SPINK9: variants seen among roughly 807,000 people sequenced by gnomAD.
SPINK9 encodes serine peptidase inhibitor Kazal type 9, also known as serine protease inhibitor Kazal-type 9.
A neutral mutation model predicts 10.8 loss-of-function variants in SPINK9; 3 were observed. The ratio of observed to expected loss-of-function variants is 0.28; its 90% CI spans 0.13 to 0.72. The LOEUF is 0.72. Ranked by LOEUF, SPINK9 falls within the 30% of genes least tolerant of loss-of-function variation. SPINK9 has a pLI of 0.74. For missense variants in SPINK9, 101 were observed against 103.2 expected (o/e 0.98, Z 0.09); for synonymous variants, 30 against 31.2 (o/e 0.96, Z 0.12).
At chr5:148,327,856 T>C (rs1348536739) in intron 2 of SPINK9, among the ~76,000 whole-genome samples, 2 of 152,188 alleles carry the variant, frequency 1.3e-5, no homozygotes, top group Non-Finnish European at 2.9e-5. Flanking sequence ...TTCTGTCCCA[T>C]TGGTCTATAT....
At chr5:148,322,605 C>G (rs996536601) in intron 1 of SPINK9, among the ~76,000 whole-genome samples, 14 of 152,148 alleles carry the variant, frequency 9.2e-5, no homozygotes, top group Non-Finnish European at 2.1e-4. Context: ...CTTATGATAC[C>G]TGGAAATCAA....
At chr5:148,322,328 C>T (rs1581182581) in intron 1 of SPINK9, among the ~76,000 whole-genome samples, 1 of 152,242 alleles carries the variant, frequency 6.6e-6, no homozygotes, top group Non-Finnish European at 1.5e-5. Flanking sequence ...TCAATCCCTG[C>T]CAACTGTACA....
upstream of SPINK9, among the ~76,000 whole-genome samples, chr5:148,330,975 G>A (rs1415592354): frequency 2.6e-5 from 4 of 152,192 alleles, no homozygotes; most frequent in African/African-American, 7.2e-5. Context: ...GATTTTCCAG[G>A]TGCCATCTGT....
In SPINK9 at chr5:148,338,982, G is replaced by C. The variant is rs910162128; in HGVS notation, c.215+377G>C. 3.9e-5 allele frequency among the ~76,000 whole-genome samples: 6 copies of C among 152,202 alleles called. No individual in the cohort carries two copies. The East Asian group carries it at 1.2e-3, about 29-fold the overall frequency. On this transcript the variant is annotated intron_variant, in intron 3 of 3. Coordinates refer to ENST00000377906, the MANE Select transcript of SPINK9 (RefSeq NM_001040433.2). ...CTCCTAAGCATCCCATCCACATCTG[G>C]TAGAATGAGCCATGTTTTTGTTCAG...
chr5:148,334,162 A>G (rs1742669463), upstream of SPINK9, among the ~76,000 whole-genome samples: 4 of 152,080 alleles, frequency 2.6e-5, no homozygotes, highest in South Asian at 4.2e-4. Context: ...ACCTAATAGG[A>G]TTCTTACTAA....
At chr5:148,329,148 T>G (rs995338833) in intron 2 of SPINK9, among the ~76,000 whole-genome samples, 1 of 152,060 alleles carries the variant, frequency 6.6e-6, no homozygotes, top group Non-Finnish European at 1.5e-5. Flanking sequence ...CTTTTTTTTG[T>G]TTGGTAAGCT....
rs374477454 is a variant in SPINK9, at chr5:148,337,461, CTTTAAG to C, written c.87+1012_88-1008del. 2.6e-5 allele frequency among the ~76,000 whole-genome samples: 4 copies of C among 152,094 alleles called. No individual in the cohort carries two copies. The South Asian group carries it at 6.2e-4, about 24-fold the overall frequency. On this transcript the variant is annotated intron_variant, in intron 2 of 3. Transcript: ENST00000377906. ...CATCTGGAGGGAAGGAAGAATTCAA[CTTTAAG>C]TTTGAGTATATTCCAAGCTATTCAA...
chr5:148,335,532 A>G, upstream of SPINK9: 5 of 1,262,150 alleles, frequency 4.0e-6, no homozygotes, highest in South Asian at 3.7e-5. Flanking sequence ...TTGAAAATAT[A>G]TAAGGCAGGA....
chr5:148,335,635 C>G lies in SPINK9; in HGVS notation c.22C>G (p.Leu8Val). 2 of 1,613,688 alleles carry G rather than the reference C, an allele frequency of 1.2e-6. No homozygotes were observed. Among genetic ancestry groups the G allele is most frequent in the Non-Finnish European group, 1.7e-6 (2 of 1,179,844 alleles). The change falls in exon 1 of 4, where the codon CTA becomes GTA. Residue 8 changes from leucine (L) to valine (V), a missense_variant. Coordinates refer to ENST00000377906, the MANE Select transcript of SPINK9 (RefSeq NM_001040433.2). MRATAIV[L>V]LLALTLATMF... ...TACTATGAGAGCAACAGCCATAGTCCTACTCTTGGCTCTGACACTTGCAAC... is the reference window on the plus strand; with the variant it reads ...TACTATGAGAGCAACAGCCATAGTCGTACTCTTGGCTCTGACACTTGCAAC...
upstream of SPINK9, among the ~76,000 whole-genome samples, chr5:148,332,360 AAC>A (rs1190621782): frequency 1.3e-5 from 2 of 152,198 alleles, no homozygotes; most frequent in Non-Finnish European, 2.9e-5. Context: ...CCCCATTCCC[AAC>A]ACACACATAT....
intron 2 of SPINK9, among the ~76,000 whole-genome samples, chr5:148,326,758 G>A (rs1289115571): frequency 6.6e-6 from 1 of 151,880 alleles, no homozygotes; most frequent in Non-Finnish European, 1.5e-5. Context: ...GTGAGAACAT[G>A]CGGTGTTTGG....
At chr5:148,325,004 G>C (rs1757041138) in intron 2 of SPINK9, among the ~76,000 whole-genome samples, 1 of 151,936 alleles carries the variant, frequency 6.6e-6, no homozygotes, top group South Asian at 2.1e-4. Context: ...TGCTATTCTT[G>C]ACATTATATA....
At chr5:148,336,538 T>C in intron 2 of SPINK9, 85 bp downstream of exon 2, 1 of 1,371,966 alleles carries the variant, frequency 7.3e-7, no homozygotes, top group Middle Eastern at 1.9e-4. Context: ...ATTAAATTTC[T>C]ATATGTTTGA....
exon 2 of SPINK9, chr5:148,323,852 A>G (rs1358530501): frequency 1.4e-6 from 1 of 700,848 alleles, no homozygotes; most frequent in Non-Finnish European, 2.6e-6. Context: ...GCTTAACGCA[A>G]CCTGAACATT....
chr5:148,326,580 T>C (rs190244054), intron 2 of SPINK9, among the ~76,000 whole-genome samples: 12 of 152,282 alleles, frequency 7.9e-5, no homozygotes, highest in African/African-American at 2.6e-4. Flanking sequence ...TTGTTACCTA[T>C]GTATACATGT....
Position 148,338,522 on chromosome 5 carries a change from A to T in SPINK9, c.132A>T (p.Arg44Ser). The T allele has an allele frequency of 6.2e-7, 1 of 1,610,224 alleles. No homozygotes were observed. Among genetic ancestry groups the T allele is most frequent in the Non-Finnish European group, 8.5e-7 (1 of 1,178,262 alleles). The change falls in exon 3 of 4, where the codon AGA becomes AGT. Residue 44 changes from arginine to serine, a missense_variant. Transcript: ENST00000377906. ...HYKKLPPGQQRFCHHMYDPIC... is the reference protein window; with the variant it reads ...HYKKLPPGQQSFCHHMYDPIC... The stretch of plus-strand genomic sequence containing the variant: ...AAAAGTTACCACCAGGACAACAGAG[A>T]TTTTGTCATCATATGTATGATCCAA...
At chr5:148,335,333 T>C (rs1371944389), upstream of SPINK9, among the ~76,000 whole-genome samples, 1 of 152,196 alleles carries the variant, frequency 6.6e-6, no homozygotes, top group African/African-American at 2.4e-5. Context: ...TACGTAATTG[T>C]AGTTCAAAGC....
intron 2 of SPINK9, among the ~76,000 whole-genome samples, chr5:148,324,391 G>A (rs776619153): frequency 4.6e-5 from 7 of 152,026 alleles, no homozygotes; most frequent in African/African-American, 1.4e-4. Context: ...TATGAAAGAA[G>A]AGTAACTTTA....
intron 2 of SPINK9, among the ~76,000 whole-genome samples, chr5:148,325,060 A>T (rs1054643284): frequency 1.3e-5 from 2 of 152,062 alleles, no homozygotes; most frequent in Admixed American, 1.3e-4. Context: ...GGCTTCTTTT[A>T]CTTAGCATTA....
Sources: gnomAD v4.1 joint callset for allele counts (sites outside exome capture counted in the v4.1 genomes callset) on GRCh38, gnomAD v4.1.1 for gene constraint, MANE v1.5 for transcripts, NCBI Gene and HGNC (gene_info 2026-07-23, HGNC 2026-07-21) for gene names.